The following ATAD2B variants were observed in gnomAD, a reference collection of about 807,000 sequenced individuals.
The protein encoded by ATAD2B is ATPase family AAA domain containing 2B.
A neutral mutation model predicts 167.6 loss-of-function variants in ATAD2B; 40 were observed. That is an observed-to-expected ratio of 0.24 (90% CI 0.19 to 0.31). The LOEUF (loss-of-function observed/expected upper bound fraction) is 0.31, where lower values mean the gene tolerates loss of function less well. Ranked by LOEUF, ATAD2B falls within the 10% of genes least tolerant of loss-of-function variation. The pLI, the probability that ATAD2B is intolerant of heterozygous loss-of-function variation, is 1.00. For synonymous variants in ATAD2B, 579 were observed against 596.5 expected (o/e 0.97, Z 0.43); for missense variants, 1,242 against 1,757.2 (o/e 0.71, Z 5.24).
intron 7 of ATAD2B, among the ~76,000 whole-genome samples, chr2:23,879,493 G>A (rs541171397): frequency 2.3e-4 from 35 of 152,078 alleles, no homozygotes; most frequent in Non-Finnish European, 4.9e-4. Context: ...TGTAGTTCTA[G>A]CTATACAAGG....
intron 14 of ATAD2B, among the ~76,000 whole-genome samples, chr2:23,831,274 A>C (rs1689033528): frequency 6.6e-6 from 1 of 152,222 alleles, no homozygotes; most frequent in African/African-American, 2.4e-5. Context: ...AATGATGATA[A>C]AGGAAAATAA....
chr2:23,771,348 A>G (rs1678292309), intron 22 of ATAD2B, among the ~76,000 whole-genome samples: 1 of 152,258 alleles, frequency 6.6e-6, no homozygotes, highest in Non-Finnish European at 1.5e-5. Flanking sequence ...TAGAAGTGGT[A>G]AGAGCAGACA....
intron 1 of ATAD2B, among the ~76,000 whole-genome samples, chr2:23,913,467 C>T (rs1258557905): frequency 6.6e-6 from 1 of 151,990 alleles, no homozygotes; most frequent in African/African-American, 2.4e-5. Flanking sequence ...TGGTGAAACC[C>T]CATCTCTACT....
rs113672088 is a variant in ATAD2B, at chr2:23,893,200, A to T, written c.368+2619T>A. On this transcript the variant is annotated intron_variant, in intron 2 of 27. Transcript: ENST00000238789. ...TCCAATTACCTAACTCTAAAATGGA[A>T]ATTTATTTTGCCAATTAACAGTAAT... Among the ~76,000 whole-genome samples the T allele has an allele frequency of 4.5e-3, 684 of 152,296 alleles. 8 individuals are homozygous for T. The highest frequency in any genetic ancestry group is 0.014 in the African/African-American group (589 of 41,570).
chr2:23,830,779 A>T (rs1248205500), intron 14 of ATAD2B, among the ~76,000 whole-genome samples: 2 of 152,122 alleles, frequency 1.3e-5, no homozygotes, highest in Non-Finnish European at 2.9e-5. Context: ...TGACATTAAG[A>T]ATCTATACAA....
At chr2:23,695,575 G>A in the ATAD2B span, 4 of 1,314,718 alleles carry the variant, frequency 3.0e-6, no homozygotes, top group African/African-American at 3.0e-5. The surrounding 1 kb of genome is among the most constrained non-coding windows in gnomAD (Gnocchi z 7.6). Context: ...TCCGGGAGGT[G>A]GCTCTCTCTT....
intron 25 of ATAD2B, among the ~76,000 whole-genome samples, chr2:23,757,055 T>C (rs1388516267): frequency 6.6e-6 from 1 of 152,168 alleles, no homozygotes. Context: ...ACCCAGCCCA[T>C]GCCAATAATT....
At chr2:23,917,272 C>A (rs1348787952) in intron 1 of ATAD2B, among the ~76,000 whole-genome samples, 1 of 152,218 alleles carries the variant, frequency 6.6e-6, no homozygotes, top group African/African-American at 2.4e-5. Flanking sequence ...GACTAGAGAA[C>A]ATACTTTCTG....
intron 19 of ATAD2B, among the ~76,000 whole-genome samples, chr2:23,790,986 C>CT (rs200420274): frequency 0.015 from 2,273 of 152,330 alleles, 22 homozygotes; most frequent in Non-Finnish European, 0.022. Context: ...ATGTCCCAGC[C>CT]TAACAACCAC....
At chr2:23,703,446 A>G in the ATAD2B span, 36 of 1,334,268 alleles carry the variant, frequency 2.7e-5, no homozygotes, top group Non-Finnish European at 3.5e-5. Context: ...TTTGTTCAGT[A>G]TCCCATGCCC....
intron 22 of ATAD2B, among the ~76,000 whole-genome samples, chr2:23,769,960 AGGCGTGAGCAACTGTACCCG>A (rs1309705364): frequency 6.6e-6 from 1 of 151,620 alleles, no homozygotes; most frequent in African/African-American, 2.4e-5. Flanking sequence ...CTAGGATTAC[AGGCGTGAGCAACTGTACCCG>A]GCCTCACTGT....
chr2:23,735,999 A>C, the ATAD2B span, among the ~76,000 whole-genome samples: 2 of 152,256 alleles, frequency 1.3e-5, no homozygotes, highest in Non-Finnish European at 2.9e-5. Context: ...CAAAAGGATT[A>C]CATCTAAGTA....
chr2:23,889,450 A>G (rs966184559), intron 2 of ATAD2B, among the ~76,000 whole-genome samples: 3 of 151,646 alleles, frequency 2.0e-5, no homozygotes, highest in Admixed American at 6.6e-5. Flanking sequence ...TTACAGGCGT[A>G]AGCCACCGCG....
chr2:23,847,992 C>CA (rs529339468), intron 13 of ATAD2B, among the ~76,000 whole-genome samples: 12,907 of 90,548 alleles, frequency 0.14, 729 homozygotes, highest in Middle Eastern at 0.24. Context: ...GACTTCATCC[C>CA]AAAAAAAAAA....
At chr2:23,703,582 C>T in the ATAD2B span, 87 of 1,188,606 alleles carry the variant, frequency 7.3e-5, 1 homozygote, top group Non-Finnish European at 9.4e-5. Context: ...CCCTAGGCCC[C>T]GGACCCATCC....
At chr2:23,920,869 T>G (rs1190583358) in intron 1 of ATAD2B, among the ~76,000 whole-genome samples, 8 of 152,070 alleles carry the variant, frequency 5.3e-5, no homozygotes. Flanking sequence ...ACAAAAGAAG[T>G]GTAAAACATT....
intron 16 of ATAD2B, 113 bp from the exon 17 acceptor site, chr2:23,819,995 T>C (rs1339448805): frequency 1.5e-6 from 1 of 663,758 alleles, no homozygotes; most frequent in Admixed American, 3.4e-5. Context: ...ATAAGTTATC[T>C]ATCAAATAAT....
rs909487705 is a variant in ATAD2B at position 23,896,046 on chromosome 2, G to A, written c.217-76C>T. 16 of 1,255,362 alleles carry A rather than the reference G, an allele frequency of 1.3e-5. No homozygotes were observed. The African/African-American group carries it at 2.3e-4, about 18-fold the overall frequency. 77.8% of individuals were successfully genotyped at this position (1,255,362 alleles called of 1,614,324 possible). A position where few individuals can be genotyped will look rare whatever the true frequency, so the allele number is the denominator to read the frequency against. ...AATTGTTAATACTAGGGGCCAGGCA[G>A]TGGCTCACTCCTGTAATCCCAGCAC... is the stretch of plus-strand genomic sequence containing the variant. On this transcript the variant is annotated intron_variant, in intron 1 of 27. Transcript: ENST00000238789.
chr2:23,725,696 G>A, the ATAD2B span, among the ~76,000 whole-genome samples: 8 of 152,178 alleles, frequency 5.3e-5, no homozygotes, highest in Admixed American at 1.3e-4. Flanking sequence ...TAAATAATCC[G>A]AAAGAATCCA....
Sources: allele counts gnomAD v4.1 joint callset (sites outside exome capture counted in the v4.1 genomes callset), GRCh38; gene constraint gnomAD v4.1.1; non-coding constraint Gnocchi (gnomAD v3.1); transcripts MANE v1.5; gene names NCBI Gene and HGNC (gene_info 2026-07-23, HGNC 2026-07-21).